SLC44A5: variants seen among roughly 807,000 people sequenced by gnomAD.
SLC44A5 encodes solute carrier family 44 member 5.
In SLC44A5, 57 loss-of-function variants were observed where a neutral mutation model predicts 101.8. The ratio of observed to expected loss-of-function variants is 0.56; its 90% CI spans 0.45 to 0.70. The LOEUF is 0.70. Ranked by LOEUF, SLC44A5 falls within the 30% of genes least tolerant of loss-of-function variation. The pLI is 0.00. For missense variants in SLC44A5, 737 were observed against 853.1 expected (o/e 0.86, Z 1.70); for synonymous variants, 281 against 290.9 (o/e 0.97, Z 0.35).
At chr1:75,303,982 A>G (rs927542971) in intron 4 of SLC44A5, among the ~76,000 whole-genome samples, 6 of 152,302 alleles carry the variant, frequency 3.9e-5, no homozygotes, top group African/African-American at 1.4e-4. Context: ...TCAGTAGAAG[A>G]TCTAATTACA....
chr1:75,588,994 G>A (rs1674184880), intron 1 of SLC44A5, among the ~76,000 whole-genome samples: 1 of 152,176 alleles, frequency 6.6e-6, no homozygotes, highest in Admixed American at 6.5e-5. Flanking sequence ...TTCAGGTTGA[G>A]GCTTAAGGCA....
At chr1:75,570,536 A>T (rs2102035049) in intron 1 of SLC44A5, among the ~76,000 whole-genome samples, 1 of 152,302 alleles carries the variant, frequency 6.6e-6, no homozygotes, top group South Asian at 2.1e-4. Flanking sequence ...GACTGATGCA[A>T]GTCTGTTTTG....
At chr1:75,289,761 G>A (rs1350011887) in intron 5 of SLC44A5, among the ~76,000 whole-genome samples, 1 of 152,148 alleles carries the variant, frequency 6.6e-6, no homozygotes, top group East Asian at 1.9e-4. Flanking sequence ...ATTGACTAGG[G>A]TAAATTTTTC....
chr1:75,227,809 C>T lies in SLC44A5; in HGVS notation c.902G>A (p.Ser301Asn). The T allele has an allele frequency of 6.2e-7, 1 of 1,600,176 alleles. No homozygotes were observed. Among genetic ancestry groups the T allele is most frequent in the Non-Finnish European group, 8.5e-7 (1 of 1,176,302 alleles). The change falls in exon 13 of 24, where the codon AGT becomes AAT. Residue 301 changes from serine (S) to asparagine (N), a missense_variant. Physicochemically the swap from Ser to Asn is conservative, Grantham distance 46. This residue lies in a region of SLC44A5 where 665 missense variants were observed against 764.4 expected (regional missense o/e 0.87). Coordinates refer to ENST00000370859, the MANE Select transcript of SLC44A5 (RefSeq NM_001130058.2). Reference sequence around the variant, plus strand: ...GATGTCATAGATAGTTAATACAGAACTTGGGCGTTCCTGAAGATTGGTGTA... The same window carrying T: ...GATGTCATAGATAGTTAATACAGAATTTGGGCGTTCCTGAAGATTGGTGTA... ...QQYTNLQERP[S>N]SVLTIYDIGI... is the part of the protein sequence containing the mutation.
rs930366846 is a variant in SLC44A5 at position 75,465,922 on chromosome 1, G to A, written c.14-69301C>T. ...GTAAAGAAAAGACCAGCACCCAATG[G>A]CTTCACTGCTGAATTCTACAAACAT... On this transcript the variant is annotated intron_variant, in intron 2 of 23. Coordinates refer to ENST00000370859, the MANE Select transcript of SLC44A5 (RefSeq NM_001130058.2). Among the ~76,000 whole-genome samples the A allele has an allele frequency of 3.3e-5, 5 of 152,114 alleles. No homozygotes were observed. In the East Asian group the frequency reaches 9.6e-4, roughly 29 times the overall value.
intron 15 of SLC44A5, among the ~76,000 whole-genome samples, chr1:75,219,585 T>A (rs1395837309): frequency 6.6e-6 from 1 of 152,134 alleles, no homozygotes; most frequent in East Asian, 1.9e-4. Flanking sequence ...AGGAGCAGTA[T>A]CATGTGGAGA....
At chr1:75,238,074 C>G (rs1376946437) in intron 10 of SLC44A5, among the ~76,000 whole-genome samples, 3 of 151,704 alleles carry the variant, frequency 2.0e-5, no homozygotes, top group Non-Finnish European at 4.4e-5. Context: ...CAATACATTT[C>G]TTTATGTCAC....
At chr1:75,219,214 G>A (rs1326259252) in intron 16 of SLC44A5, 43 bp downstream of exon 16, 3 of 1,284,974 alleles carry the variant, frequency 2.3e-6, no homozygotes, top group African/African-American at 1.5e-5. Flanking sequence ...TGCAGCAGAA[G>A]TCTATATTGA....
chr1:75,293,214 T>C (rs1320071697), intron 5 of SLC44A5, among the ~76,000 whole-genome samples: 1 of 152,222 alleles, frequency 6.6e-6, no homozygotes, highest in Non-Finnish European at 1.5e-5. Context: ...ATCGAGGAAA[T>C]GCATGTTTCT....
chr1:75,303,200 C>G (rs1243613621), intron 4 of SLC44A5, among the ~76,000 whole-genome samples: 1 of 152,220 alleles, frequency 6.6e-6, no homozygotes, highest in African/African-American at 2.4e-5. Flanking sequence ...AGCACAAGGA[C>G]AGAAGCAGAA....
At chr1:75,364,215 T>C (rs539054070) in intron 3 of SLC44A5, among the ~76,000 whole-genome samples, 1 of 152,280 alleles carries the variant, frequency 6.6e-6, no homozygotes, top group East Asian at 1.9e-4. Context: ...TATAAAGAAA[T>C]ACCTGAGACT....
chr1:75,524,434 C>T (rs967931931), intron 2 of SLC44A5, among the ~76,000 whole-genome samples: 1 of 152,222 alleles, frequency 6.6e-6, no homozygotes, highest in Admixed American at 6.5e-5. Flanking sequence ...CTCATGAATG[C>T]ACCCAAAAAT....
chr1:75,593,253 A>G (rs1674451063), intron 1 of SLC44A5, among the ~76,000 whole-genome samples: 1 of 152,166 alleles, frequency 6.6e-6, no homozygotes, highest in African/African-American at 2.4e-5. Flanking sequence ...ACCATTGCTT[A>G]TCAGAGAAAT....
At chr1:75,456,365 A>C (rs1666188831) in intron 2 of SLC44A5, among the ~76,000 whole-genome samples, 1 of 152,158 alleles carries the variant, frequency 6.6e-6, no homozygotes, top group South Asian at 2.1e-4. Flanking sequence ...GGGAGAAAAA[A>C]GGGAAGTAAG....
At chr1:75,340,575 A>G (rs1362018793) in intron 3 of SLC44A5, among the ~76,000 whole-genome samples, 1 of 152,244 alleles carries the variant, frequency 6.6e-6, no homozygotes, top group East Asian at 1.9e-4. Context: ...TCACTGCAAC[A>G]GATAATATTA....
At chr1:75,294,657 T>C (rs978400216) in intron 5 of SLC44A5, among the ~76,000 whole-genome samples, 1 of 152,028 alleles carries the variant, frequency 6.6e-6, no homozygotes, top group African/African-American at 2.4e-5. Context: ...TATGTATACA[T>C]ACATACACAT....
the SLC44A5 span, among the ~76,000 whole-genome samples, chr1:75,697,579 G>A: frequency 6.6e-6 from 1 of 152,150 alleles, no homozygotes; most frequent in Non-Finnish European, 1.5e-5. Flanking sequence ...TTGAACTTAG[G>A]AGTTCGAGAC....
At chr1:75,291,231 G>C (rs555422322) in intron 5 of SLC44A5, among the ~76,000 whole-genome samples, 1 of 152,162 alleles carries the variant, frequency 6.6e-6, no homozygotes, top group South Asian at 2.1e-4. Context: ...TAGAAGATAG[G>C]TTTTTCATTT....
the SLC44A5 span, among the ~76,000 whole-genome samples, chr1:75,676,363 G>A: frequency 6.6e-6 from 1 of 152,152 alleles, no homozygotes; most frequent in Non-Finnish European, 1.5e-5. Context: ...ATACTATGCA[G>A]ATGCAGCCAT....
Sources: gnomAD v4.1 joint callset for allele counts (sites outside exome capture counted in the v4.1 genomes callset) on GRCh38, gnomAD v4.1.1 for gene constraint, gnomAD v4.1.1 regional missense constraint, MANE v1.5 for transcripts, NCBI Gene and HGNC (gene_info 2026-07-23, HGNC 2026-07-21) for gene names.